Variants in NAV3 observed in about 807,000 individuals in gnomAD.
The protein encoded by NAV3 is pore membrane and/or filament interacting like protein 1.
NAV3 carries 87 observed loss-of-function variants against 244.7 expected under a neutral mutation model. That is an observed-to-expected ratio of 0.36 (90% CI 0.30 to 0.42). NAV3 has a LOEUF of 0.42. NAV3 is among the 20% of genes least tolerant of loss of function. The probability of loss-of-function intolerance (pLI) is 1.00; values close to 1 mark genes in which losing one functional copy is unlikely to be tolerated. For synonymous variants in NAV3, 1,126 were observed against 1,042.2 expected, an observed-to-expected ratio of 1.08 and a Z score of -1.55; for missense variants, 2,663 against 2,893.3, an observed-to-expected ratio of 0.92 and a Z score of 1.83.
intron 2 of NAV3, among the ~76,000 whole-genome samples, chr12:77,629,967 G>C (rs1353511623): frequency 1.3e-5 from 2 of 152,096 alleles, no homozygotes; most frequent in Non-Finnish European, 2.9e-5. Flanking sequence ...GCATAACCAG[G>C]GTCTTTTCAG....
chr12:77,889,300 T>C lies in NAV3; in HGVS notation c.244-51019T>C, dbSNP rs149056725. On this transcript the variant is annotated intron_variant, in intron 1 of 39. Transcript: ENST00000397909. The stretch of plus-strand genomic sequence containing the variant: ...CTGACTACTTGAGCTGAGACATCAG[T>C]CTTCTGTCCTGGGACTGCAGCTTGC... 9.1e-3 allele frequency among the ~76,000 whole-genome samples: 1,388 copies of C among 152,306 alleles called. 18 individuals are homozygous for C. Among genetic ancestry groups the C allele is most frequent in the African/African-American group, 0.032 (1,318 of 41,566 alleles).
intron 2 of NAV3, among the ~76,000 whole-genome samples, chr12:77,825,259 T>A (rs1053514739): frequency 8.5e-5 from 13 of 152,080 alleles, no homozygotes; most frequent in Middle Eastern, 3.4e-3. Context: ...CAGATAAAAA[T>A]TTGCATCTAA....
chr12:78,030,039 G>A (rs894539401), intron 9 of NAV3, among the ~76,000 whole-genome samples: 1 of 152,106 alleles, frequency 6.6e-6, no homozygotes, highest in East Asian at 1.9e-4. Flanking sequence ...CAGGCTATGT[G>A]TATAAGATGC....
chr12:77,898,007 T>C (rs1003485717), intron 1 of NAV3, among the ~76,000 whole-genome samples: 3 of 152,236 alleles, frequency 2.0e-5, no homozygotes, highest in Non-Finnish European at 4.4e-5. Flanking sequence ...TATATTTGTT[T>C]GATGATTTGC....
At chr12:77,622,443 G>A (rs1018859707) in intron 2 of NAV3, among the ~76,000 whole-genome samples, 8 of 151,514 alleles carry the variant, frequency 5.3e-5, no homozygotes, top group African/African-American at 1.7e-4. Context: ...ACAGGCTTGA[G>A]ACACCGCACC....
chr12:77,663,189 A>G (rs761502195), intron 2 of NAV3, among the ~76,000 whole-genome samples: 7 of 152,210 alleles, frequency 4.6e-5, no homozygotes, highest in Non-Finnish European at 1.0e-4. Context: ...TTTCTTAAAT[A>G]ATTTTTGAAT....
intron 12 of NAV3, among the ~76,000 whole-genome samples, chr12:78,079,035 C>A (rs1227701855): frequency 1.3e-5 from 2 of 152,152 alleles, no homozygotes; most frequent in African/African-American, 4.8e-5. Context: ...ATAACATCCT[C>A]CTATGTCCTA....
intron 2 of NAV3, among the ~76,000 whole-genome samples, chr12:77,598,475 C>T (rs1870271448): frequency 6.6e-6 from 1 of 151,954 alleles, no homozygotes; most frequent in Admixed American, 6.6e-5. Flanking sequence ...GATGACAGTA[C>T]ATTCATACAT....
At chr12:77,871,628 T>C (rs1177103252) in intron 1 of NAV3, among the ~76,000 whole-genome samples, 1 of 152,226 alleles carries the variant, frequency 6.6e-6, no homozygotes, top group Non-Finnish European at 1.5e-5. Context: ...CATCCTTTTT[T>C]ATGGCTGCAT....
chr12:77,645,639 C>G (rs977347213), intron 2 of NAV3, among the ~76,000 whole-genome samples: 3 of 151,188 alleles, frequency 2.0e-5, no homozygotes, highest in Admixed American at 1.3e-4. Flanking sequence ...TCTAAACCTG[C>G]TTTTTCTATT....
intron 2 of NAV3, among the ~76,000 whole-genome samples, chr12:77,610,348 CTT>C (rs1163067708): frequency 6.6e-6 from 1 of 152,010 alleles, no homozygotes; most frequent in African/African-American, 2.4e-5. Context: ...TTTACTTAAT[CTT>C]TATGTCCTCT....
At chr12:78,089,161 C>G (rs1471835323) in intron 12 of NAV3, among the ~76,000 whole-genome samples, 2 of 152,050 alleles carry the variant, frequency 1.3e-5, no homozygotes, top group African/African-American at 4.8e-5. Flanking sequence ...TACCACCATT[C>G]CCTTCCCCTT....
rs143120022 is a variant in NAV3 at position 77,602,773 on chromosome 12, C to T, written c.72+30507C>T. Among the ~76,000 whole-genome samples, 239 of 152,096 alleles carry T rather than the reference C, an allele frequency of 1.6e-3. 1 individual carries two copies. The highest frequency in any genetic ancestry group is 5.6e-3 in the African/African-American group (233 of 41,510). The stretch of plus-strand genomic sequence containing the variant: ...CCCATAAAAGTGAGTCCACTCTCAG[C>T]CTCCTACCTGTCAGAAGACAACTTC... On this transcript the variant is annotated intron_variant, in intron 2 of 8. Transcript: ENST00000550042.
At chr12:77,829,818 G>A (rs1464368), upstream of NAV3, among the ~76,000 whole-genome samples, 57,659 of 151,888 alleles carry the variant, frequency 0.38, 13,415 homozygotes, top group African/African-American at 0.66. Context: ...ATAAAAGTAC[G>A]TAGTGATTTA....
At chr12:78,013,204 A>G (rs1875607440) in intron 8 of NAV3, among the ~76,000 whole-genome samples, 1 of 152,282 alleles carries the variant, frequency 6.6e-6, no homozygotes, top group East Asian at 1.9e-4. Context: ...TGCATGAGAC[A>G]TCAAGAATTG....
chr12:78,204,680 C>G (rs896568824), intron 38 of NAV3, among the ~76,000 whole-genome samples: 1 of 151,842 alleles, frequency 6.6e-6, no homozygotes, highest in African/African-American at 2.4e-5. Flanking sequence ...TATAATAAAC[C>G]TCCCGTATAT....
chr12:78,204,865 C>A, intron 38 of NAV3, 70 bp from the exon 39 acceptor site: 2 of 1,377,204 alleles, frequency 1.5e-6, no homozygotes, highest in Admixed American at 2.0e-5. Flanking sequence ...TCACATCCAA[C>A]TAGCAGTCCC....
At chr12:77,932,991 C>T (rs996489410) in intron 1 of NAV3, among the ~76,000 whole-genome samples, 1 of 152,254 alleles carries the variant, frequency 6.6e-6, no homozygotes, top group Non-Finnish European at 1.5e-5. Flanking sequence ...TGTCAAATCT[C>T]ATCCTTTTAT....
chr12:78,064,492 G>C (rs1051115803), intron 12 of NAV3, among the ~76,000 whole-genome samples: 2 of 150,564 alleles, frequency 1.3e-5, no homozygotes, highest in Admixed American at 6.6e-5. Context: ...GAGGTCTTTG[G>C]TGTCCCTCTC....
Sources: gnomAD v4.1 joint callset for allele counts (sites outside exome capture counted in the v4.1 genomes callset) on GRCh38, gnomAD v4.1.1 for gene constraint, MANE v1.5 for transcripts, NCBI Gene and HGNC (gene_info 2026-07-23, HGNC 2026-07-21) for gene names.